Variants in DNER observed in about 807,000 individuals in gnomAD.
The protein encoded by DNER is delta and Notch-like epidermal growth factor-related receptor.
A neutral mutation model predicts 78.2 loss-of-function variants in DNER; 33 were observed. The observed-to-expected ratio is 0.42, with a 90% CI of 0.32 to 0.56. The LOEUF is 0.56. DNER is among the 20% of genes least tolerant of loss of function. The pLI is 0.11. For synonymous variants in DNER, 417 were observed against 384.8 expected (o/e 1.08, Z -0.98); for missense variants, 918 against 975.3 (o/e 0.94, Z 0.78).
intron 9 of DNER, among the ~76,000 whole-genome samples, chr2:229,413,842 T>A (rs897201400): frequency 2.0e-5 from 3 of 151,716 alleles, no homozygotes; most frequent in African/African-American, 7.3e-5. Context: ...AAAGTATATA[T>A]ATAAAGTAAA....
chr2:229,539,429 A>G (rs914043578), intron 5 of DNER, among the ~76,000 whole-genome samples: 2 of 152,224 alleles, frequency 1.3e-5, no homozygotes, highest in Non-Finnish European at 2.9e-5. Context: ...AGAACTGGCA[A>G]TGCTGCTTAA....
At chr2:229,565,320 A>T (rs915577136) in intron 4 of DNER, among the ~76,000 whole-genome samples, 3 of 152,210 alleles carry the variant, frequency 2.0e-5, no homozygotes, top group East Asian at 1.9e-4. Context: ...CTCTTTAAAA[A>T]TTATTGCTAG....
chr2:229,538,644 G>A (rs1440547770), intron 5 of DNER, among the ~76,000 whole-genome samples: 3 of 152,148 alleles, frequency 2.0e-5, no homozygotes, highest in Non-Finnish European at 4.4e-5. Flanking sequence ...AGTATATACT[G>A]TGGAATGAAT....
chr2:229,535,493 A>T (rs1441435994), intron 5 of DNER, among the ~76,000 whole-genome samples: 6 of 152,218 alleles, frequency 3.9e-5, no homozygotes, highest in Non-Finnish European at 8.8e-5. Flanking sequence ...TGCCATTAAG[A>T]CTCATTAGTT....
intron 1 of DNER, among the ~76,000 whole-genome samples, chr2:229,617,101 C>A (rs2154215368): frequency 6.6e-6 from 1 of 152,300 alleles, no homozygotes; most frequent in East Asian, 1.9e-4. Flanking sequence ...ATTTATGACA[C>A]TTGATTTTAT....
chr2:229,549,413 C>CT (rs1696686617), intron 4 of DNER, among the ~76,000 whole-genome samples: 1 of 152,154 alleles, frequency 6.6e-6, no homozygotes. Context: ...TCACATGATC[C>CT]TCTTGCCTCA....
chr2:229,506,098 A>G (rs573407561), intron 6 of DNER, among the ~76,000 whole-genome samples: 20 of 152,318 alleles, frequency 1.3e-4, no homozygotes, highest in Non-Finnish European at 7.3e-5. Flanking sequence ...TTGGGGTTGT[A>G]TTAGTCTGTT....
chr2:229,557,516 T>C (rs1696873448), intron 4 of DNER, among the ~76,000 whole-genome samples: 1 of 152,196 alleles, frequency 6.6e-6, no homozygotes, highest in African/African-American at 2.4e-5. Context: ...TGCATTCCCA[T>C]GGTCTTTTTA....
intron 4 of DNER, among the ~76,000 whole-genome samples, chr2:229,548,909 C>G (rs1276064788): frequency 1.3e-5 from 2 of 151,998 alleles, no homozygotes; most frequent in Non-Finnish European, 2.9e-5. Flanking sequence ...ATTATATGTA[C>G]ATAGCTACCA....
At chr2:229,649,302 G>T (rs1183602207) in intron 1 of DNER, among the ~76,000 whole-genome samples, 1 of 152,060 alleles carries the variant, frequency 6.6e-6, no homozygotes, top group Non-Finnish European at 1.5e-5. Flanking sequence ...AGATGCTTTG[G>T]AAATTTTAAC....
chr2:229,463,685 G>A (rs1466298549), intron 7 of DNER, among the ~76,000 whole-genome samples: 2 of 152,096 alleles, frequency 1.3e-5, no homozygotes, highest in South Asian at 2.1e-4. Flanking sequence ...AGGGATCCTC[G>A]TGCTTTAGCC....
intron 7 of DNER, among the ~76,000 whole-genome samples, chr2:229,475,497 A>G (rs60886461): frequency 0.12 from 18,942 of 152,170 alleles, 1,322 homozygotes; most frequent in South Asian, 0.2. Context: ...GCATCTTCAA[A>G]GCACCTATTC....
intron 1 of DNER, among the ~76,000 whole-genome samples, chr2:229,696,083 A>G (rs1457235391): frequency 6.6e-6 from 1 of 152,222 alleles, no homozygotes; most frequent in African/African-American, 2.4e-5. Context: ...GGCTTGGGTT[A>G]TGAAAACCAA....
At chr2:229,554,908 A>AAGAG in intron 4 of DNER, among the ~76,000 whole-genome samples, 1 of 92,684 alleles carries the variant, frequency 1.1e-5, no homozygotes, top group Non-Finnish European at 2.4e-5. Context: ...AAGAGAAGAG[A>AAGAG]AGAGAAGAGA....
intron 11 of DNER, among the ~76,000 whole-genome samples, chr2:229,387,523 G>T (rs1388316416): frequency 8.5e-6 from 1 of 117,492 alleles, no homozygotes; most frequent in Admixed American, 9.0e-5. Context: ...AAGAAAGAAA[G>T]AAAGAAAGAA....
intron 7 of DNER, among the ~76,000 whole-genome samples, chr2:229,470,419 T>C (rs916691452): frequency 6.6e-6 from 1 of 152,048 alleles, no homozygotes; most frequent in South Asian, 2.1e-4. Flanking sequence ...CCAGTGCTAA[T>C]GAAAAAAAGC....
At chr2:229,485,482 T>C (rs911176154) in intron 6 of DNER, among the ~76,000 whole-genome samples, 1 of 152,216 alleles carries the variant, frequency 6.6e-6, no homozygotes, top group African/African-American at 2.4e-5. Context: ...TAATTTAAAA[T>C]GTATTCATAT....
intron 8 of DNER, among the ~76,000 whole-genome samples, chr2:229,426,098 G>A (rs888201248): frequency 3.9e-5 from 6 of 152,076 alleles, no homozygotes; most frequent in Admixed American, 2.6e-4. Context: ...TCTGATTCAA[G>A]TCTAGGCCAG....
intron 1 of DNER, among the ~76,000 whole-genome samples, chr2:229,679,407 A>G (rs1356615557): frequency 2.0e-5 from 3 of 152,234 alleles, no homozygotes; most frequent in African/African-American, 7.2e-5. Flanking sequence ...ATGTTATTGC[A>G]AATGAACTGT....
Sources: gnomAD v4.1 joint callset for allele counts (sites outside exome capture counted in the v4.1 genomes callset) on GRCh38, gnomAD v4.1.1 for gene constraint, MANE v1.5 for transcripts, NCBI Gene and HGNC (gene_info 2026-07-23, HGNC 2026-07-21) for gene names.